Variants in KHDRBS3 observed in about 807,000 individuals in gnomAD.
The protein encoded by KHDRBS3 is KH domain-containing, RNA-binding, signal transduction-associated protein 3.
A neutral mutation model predicts 45.6 loss-of-function variants in KHDRBS3; 23 were observed. The ratio of observed to expected loss-of-function variants is 0.50; its 90% CI spans 0.36 to 0.72. KHDRBS3 has a LOEUF of 0.72. KHDRBS3 is among the 30% of genes least tolerant of loss of function. The pLI is 0.00. For missense variants in KHDRBS3, 352 were observed against 424.8 expected (o/e 0.83, Z 1.51); for synonymous variants, 162 against 156.5 (o/e 1.04, Z -0.26).
intron 7 of KHDRBS3, among the ~76,000 whole-genome samples, chr8:135,634,391 T>C (rs1192788804): frequency 1.3e-5 from 2 of 152,228 alleles, no homozygotes; most frequent in Non-Finnish European, 2.9e-5. Context: ...CCTTCAATTT[T>C]TGTAAGCTGA....
chr8:135,485,525 C>G (rs1432484249), intron 1 of KHDRBS3, among the ~76,000 whole-genome samples: 1 of 152,078 alleles, frequency 6.6e-6, no homozygotes, highest in Non-Finnish European at 1.5e-5. Context: ...GCCAGTTTTC[C>G]TGGATATTCA....
chr8:135,621,342 T>TG (rs1830132436), intron 7 of KHDRBS3, among the ~76,000 whole-genome samples: 1 of 152,234 alleles, frequency 6.6e-6, no homozygotes, highest in South Asian at 2.1e-4. Flanking sequence ...ACCAGTTAGT[T>TG]GCCAAGGAAA....
chr8:135,550,632 A>G (rs1007263806), intron 4 of KHDRBS3, among the ~76,000 whole-genome samples: 2 of 152,158 alleles, frequency 1.3e-5, no homozygotes, highest in Non-Finnish European at 2.9e-5. Flanking sequence ...TTTAGCCTTA[A>G]GTAAATCTGG....
At chr8:135,656,323 A>C (rs540885388) in exon 5 of KHDRBS3, 17 of 152,326 alleles carry the variant, frequency 1.1e-4, no homozygotes, top group African/African-American at 3.6e-4. Flanking sequence ...AAACATCTTA[A>C]TTAATTTTTG....
At chr8:135,596,029 A>G (rs1183645826) in intron 6 of KHDRBS3, among the ~76,000 whole-genome samples, 1 of 152,230 alleles carries the variant, frequency 6.6e-6, no homozygotes, top group East Asian at 1.9e-4. Context: ...TAAAAAAATA[A>G]TAATAACTGG....
intron 1 of KHDRBS3, among the ~76,000 whole-genome samples, chr8:135,484,884 A>G (rs1822768014): frequency 6.6e-6 from 1 of 152,198 alleles, no homozygotes; most frequent in Non-Finnish European, 1.5e-5. Flanking sequence ...CCTGGGAGGT[A>G]GTAACATTTA....
intron 1 of KHDRBS3, among the ~76,000 whole-genome samples, chr8:135,460,253 C>T (rs1821363760): frequency 6.6e-6 from 1 of 152,200 alleles, no homozygotes. Context: ...TATTTCAGCA[C>T]TAAATTGTAG....
chr8:135,608,040 G>A (rs1829543902), intron 7 of KHDRBS3, among the ~76,000 whole-genome samples: 1 of 152,090 alleles, frequency 6.6e-6, no homozygotes, highest in Non-Finnish European at 1.5e-5. Flanking sequence ...GTGTGTTGAG[G>A]GTAGACCTAA....
intron 7 of KHDRBS3, among the ~76,000 whole-genome samples, chr8:135,644,184 T>A (rs898420133): frequency 1.6e-4 from 24 of 152,288 alleles, no homozygotes; most frequent in Middle Eastern, 3.4e-3. Flanking sequence ...CTGTAAAAAA[T>A]TATTCCTAGT....
chr8:135,579,651 A>G (rs2130916578), intron 5 of KHDRBS3, among the ~76,000 whole-genome samples: 1 of 152,134 alleles, frequency 6.6e-6, no homozygotes, highest in African/African-American at 2.4e-5. Flanking sequence ...TTCTTTTTCA[A>G]CTTGAGGAAA....
rs1826743729 is a variant in KHDRBS3 at position 135,553,915 on chromosome 8, AAGTT to A, written c.472-3529_472-3526del. The stretch of plus-strand genomic sequence containing the variant: ...ATTTAAAATGCAAAATTACAGAAAT[AAGTT>A]AGTCTGTAAGCTACTATGAATGATT... On this transcript the variant is annotated intron_variant, in intron 4 of 8. Coordinates refer to ENST00000355849, the MANE Select transcript of KHDRBS3 (RefSeq NM_006558.3). 5.3e-5 allele frequency among the ~76,000 whole-genome samples: 8 copies of A among 152,292 alleles called. No individual in the cohort carries two copies. The South Asian group carries it at 1.4e-3, about 28-fold the overall frequency.
chr8:135,471,512 G>C (rs1259948117), intron 1 of KHDRBS3, among the ~76,000 whole-genome samples: 1 of 152,188 alleles, frequency 6.6e-6, no homozygotes, highest in Admixed American at 6.5e-5. Flanking sequence ...CAGTGGGGAA[G>C]TGGCCAAATT....
intron 5 of KHDRBS3, among the ~76,000 whole-genome samples, chr8:135,558,778 A>ATTT (rs11365631): frequency 6.6e-6 from 1 of 150,574 alleles, no homozygotes; most frequent in Non-Finnish European, 1.5e-5. Flanking sequence ...ATTACCACAG[A>ATTT]TTTTTTTTTT....
At chr8:135,616,177 T>C (rs193123414) in intron 7 of KHDRBS3, among the ~76,000 whole-genome samples, 56 of 152,332 alleles carry the variant, frequency 3.7e-4, no homozygotes, top group African/African-American at 1.3e-3. Context: ...TGTAGGATTG[T>C]CATTCCTTAA....
At chr8:135,555,008 C>T (rs918963252) in intron 4 of KHDRBS3, among the ~76,000 whole-genome samples, 3 of 152,002 alleles carry the variant, frequency 2.0e-5, no homozygotes, top group African/African-American at 7.2e-5. Context: ...AGCTGCCTGC[C>T]GTTAATTTCT....
chr8:135,491,748 GT>G (rs1019713985), intron 1 of KHDRBS3, among the ~76,000 whole-genome samples: 24 of 152,210 alleles, frequency 1.6e-4, no homozygotes, highest in Non-Finnish European at 1.2e-4. Context: ...TCCAAATGAT[GT>G]TTTATAATAA....
At chr8:135,486,040 T>C (rs1822846402) in intron 1 of KHDRBS3, among the ~76,000 whole-genome samples, 1 of 151,858 alleles carries the variant, frequency 6.6e-6, no homozygotes, top group Non-Finnish European at 1.5e-5. Flanking sequence ...AGAGACTCCA[T>C]TTGGGTTCCC....
chr8:135,472,545 G>C (rs1822067733), intron 1 of KHDRBS3, among the ~76,000 whole-genome samples: 1 of 152,216 alleles, frequency 6.6e-6, no homozygotes, highest in Non-Finnish European at 1.5e-5. Flanking sequence ...CTTATTTGGA[G>C]AATAAAGCTA....
intron 1 of KHDRBS3, among the ~76,000 whole-genome samples, chr8:135,497,809 C>T (rs1449580444): frequency 2.0e-5 from 3 of 151,996 alleles, no homozygotes; most frequent in Admixed American, 2.0e-4. Flanking sequence ...AAAGTGTTAA[C>T]CAAGTGAGTA....
Sources: gnomAD v4.1 joint callset for allele counts (sites outside exome capture counted in the v4.1 genomes callset) on GRCh38, gnomAD v4.1.1 for gene constraint, MANE v1.5 for transcripts, NCBI Gene and HGNC (gene_info 2026-07-23, HGNC 2026-07-21) for gene names.